Variants in BTD observed in about 807,000 individuals in gnomAD.
The protein encoded by BTD is biocytinase.
In BTD, 13 loss-of-function variants were observed where a neutral mutation model predicts 17.7. The observed-to-expected ratio is 0.74, with a 90% confidence interval of 0.48 to 1.17. The LOEUF (loss-of-function observed/expected upper bound fraction) is 1.17. BTD is among the 50% of genes most tolerant of loss of function. The pLI is 0.00. For synonymous variants in BTD, 240 were observed against 245.2 expected (o/e 0.98, Z 0.20); for missense variants, 674 against 650.4 (o/e 1.04, Z -0.39).
At chr3:15,653,899 A>T (rs1046048757), downstream of BTD, among the ~76,000 whole-genome samples, 1 of 152,200 alleles carries the variant, frequency 6.6e-6, no homozygotes, top group Non-Finnish European at 1.5e-5. Flanking sequence ...ACTGTTTTTT[A>T]AAATTTATTT....
chr3:15,680,207 A>G (rs1057075252), intron 3 of BTD, among the ~76,000 whole-genome samples: 2 of 148,006 alleles, frequency 1.4e-5, no homozygotes, highest in Admixed American at 1.3e-4. Context: ...TATATGAAAT[A>G]TTATTATTAT....
At chr3:15,713,564 TCAGCAGCTCATGGCCATACCGTGCTG>T, downstream of BTD, 1 of 1,611,718 alleles carries the variant, frequency 6.2e-7, no homozygotes. Flanking sequence ...AGAGTGTTGA[TCAGCAGCTCATGGCCATACCGTGCTG>T]CTATGTGCAA....
chr3:15,653,029 G>C lies in BTD; in HGVS notation c.*7541G>C, dbSNP rs1445523157. Among the ~76,000 whole-genome samples, 1 of 152,220 alleles carries C rather than the reference G, an allele frequency of 6.6e-6. No homozygotes were observed. The highest frequency in any genetic ancestry group is 1.5e-5 in the Non-Finnish European group (1 of 68,026). Reference sequence around the variant, plus strand: ...CTGACAGTGGCCAGGAAAACCTCCTGCCCGCAGAATTTTGTCTAATCCACC... The same window carrying C: ...CTGACAGTGGCCAGGAAAACCTCCTCCCCGCAGAATTTTGTCTAATCCACC... On this transcript the variant is annotated 3_prime_UTR_variant, in exon 4 of 4. Transcript: ENST00000643237.
rs1423108592 is a variant in BTD at position 15,601,753 on chromosome 3, G to A, written c.-158G>A. The stretch of plus-strand genomic sequence containing the variant: ...AGGGAGGCGGGACTAGCAGGAGATT[G>A]CTGCCTATGCAAAGCAGGTAAGAAG... On this transcript the variant is annotated 5_prime_UTR_variant, in exon 1 of 4. Coordinates refer to ENST00000643237, the MANE Select transcript of BTD (RefSeq NM_001370658.1). The A allele has an allele frequency of 6.3e-7, 1 of 1,596,948 alleles. No homozygotes were observed. Among genetic ancestry groups the A allele is most frequent in the Admixed American group, 1.8e-5 (1 of 56,592 alleles).
At chr3:15,708,435 T>C (rs1559378312) in intron 3 of BTD, among the ~76,000 whole-genome samples, 1 of 151,840 alleles carries the variant, frequency 6.6e-6, no homozygotes, top group Non-Finnish European at 1.5e-5. Flanking sequence ...AGTACAGAGG[T>C]AGCAATTTCT....
intron 1 of BTD, among the ~76,000 whole-genome samples, chr3:15,630,924 G>A (rs1344030925): frequency 6.6e-6 from 1 of 152,122 alleles, no homozygotes; most frequent in African/African-American, 2.4e-5. Flanking sequence ...TCACGGACAA[G>A]CTCATGACCA....
intron 1 of BTD, among the ~76,000 whole-genome samples, chr3:15,620,756 G>A (rs1026520920): frequency 5.9e-5 from 9 of 152,224 alleles, no homozygotes; most frequent in East Asian, 1.9e-4. Flanking sequence ...TTCCTCTGCC[G>A]CAGCTCCAGC....
intron 3 of BTD, chr3:15,676,807 T>G: frequency 2.0e-6 from 1 of 508,490 alleles, no homozygotes; most frequent in Non-Finnish European, 3.4e-6. Context: ...ATAATATGGC[T>G]TTTAGTTGTG....
At chr3:15,623,805 T>C (rs1447966366) in intron 1 of BTD, among the ~76,000 whole-genome samples, 2 of 152,230 alleles carry the variant, frequency 1.3e-5, no homozygotes, top group Non-Finnish European at 2.9e-5. Context: ...TCTGCCACCA[T>C]GTGAAGATGT....
At chr3:15,720,875 G>C (rs1234944311) in intron 4 of BTD, 1 of 1,565,886 alleles carries the variant, frequency 6.4e-7, no homozygotes, top group African/African-American at 1.4e-5. Context: ...TTTTAACAGT[G>C]ACATATGAAA....
At chr3:15,690,320 T>C (rs1206828859) in intron 3 of BTD, 2 of 997,760 alleles carry the variant, frequency 2.0e-6, no homozygotes, top group African/African-American at 3.3e-5. Context: ...TTCATATTAT[T>C]ATCCTACTTG....
intron 3 of BTD, among the ~76,000 whole-genome samples, chr3:15,708,573 T>TA (rs1342529593): frequency 5.3e-5 from 8 of 152,184 alleles, no homozygotes; most frequent in Non-Finnish European, 1.0e-4. Flanking sequence ...CCCTCTCTGT[T>TA]ATTTGTAGTA....
At chr3:15,643,103 A>G (rs2065579914) in intron 3 of BTD, among the ~76,000 whole-genome samples, 1 of 152,184 alleles carries the variant, frequency 6.6e-6, no homozygotes, top group Non-Finnish European at 1.5e-5. Context: ...AATTATATTA[A>G]AGAGTACCAA....
At chr3:15,655,659 G>C (rs963273921), downstream of BTD, among the ~76,000 whole-genome samples, 17 of 152,312 alleles carry the variant, frequency 1.1e-4, 4 homozygotes, top group South Asian at 2.1e-4. Flanking sequence ...TCCTCTCTCT[G>C]TAAAAGAGGG....
At chr3:15,682,784 C>T (rs1028946687) in intron 3 of BTD, among the ~76,000 whole-genome samples, 2 of 152,124 alleles carry the variant, frequency 1.3e-5, no homozygotes, top group Non-Finnish European at 1.5e-5. Context: ...AATTATAAAA[C>T]GGGCTTTTGG....
intron 3 of BTD, among the ~76,000 whole-genome samples, chr3:15,701,647 AAAAT>A (rs373322435): frequency 1.3e-5 from 2 of 152,018 alleles, no homozygotes; most frequent in African/African-American, 4.8e-5. Context: ...TCCGTCTCAA[AAAAT>A]AAATAAATAA....
Position 15,645,010 on chromosome 3 carries a change from A to G in BTD, c.1094A>G (p.Lys365Arg). 1.9e-6 allele frequency: 3 copies of G among 1,614,242 alleles called. No homozygotes were observed. Among genetic ancestry groups the G allele is most frequent in the Non-Finnish European group, 2.5e-6 (3 of 1,180,034 alleles). The change falls in exon 4 of 4, where the codon AAG becomes AGG. Residue 365 changes from lysine to arginine, a missense_variant. Transcript: ENST00000643237. ...GAAGTCCACTGTGATGAGGCCACCA[A>G]GTGGAACGTGAATGCTCCTCCCACA... is the stretch of plus-strand genomic sequence containing the variant. ...AQEVHCDEATKWNVNAPPTFH... is the reference protein window; with the variant it reads ...AQEVHCDEATRWNVNAPPTFH...
chr3:15,715,453 T>G (rs73817070), downstream of BTD, among the ~76,000 whole-genome samples: 3,226 of 152,322 alleles, frequency 0.021, 119 homozygotes, highest in African/African-American at 0.074. Flanking sequence ...ATAATAATAA[T>G]TAGAACATCA....
chr3:15,632,847 A>G (rs28374257), intron 1 of BTD: 6,550 of 152,238 alleles, frequency 0.043, 401 homozygotes, highest in African/African-American at 0.14. Flanking sequence ...CACAGGCCCT[A>G]TTTACTTTTT....
Sources: allele counts gnomAD v4.1 joint callset (sites outside exome capture counted in the v4.1 genomes callset), GRCh38; gene constraint gnomAD v4.1.1; transcripts MANE v1.5; gene names NCBI Gene and HGNC (gene_info 2026-07-23, HGNC 2026-07-21).